Variants in FNIP2 observed in about 807,000 individuals in gnomAD.
The protein encoded by FNIP2 is folliculin-interacting protein 2.
A neutral mutation model predicts 108.7 loss-of-function variants in FNIP2; 32 were observed. The ratio of observed to expected loss-of-function variants is 0.29; its 90% CI spans 0.22 to 0.40. FNIP2 has a LOEUF of 0.40. FNIP2 is among the 10% of genes least tolerant of loss of function. The pLI is 1.00. For missense variants in FNIP2, 1,202 were observed against 1,381.6 expected, an observed-to-expected ratio of 0.87 and a Z score of 2.06; for synonymous variants, 480 against 496.7, an observed-to-expected ratio of 0.97 and a Z score of 0.45.
chr4:158,859,786 G>A lies in FNIP2; in HGVS notation c.1148+120G>A, dbSNP rs1780180385. On this transcript the variant is annotated intron_variant, in intron 10 of 16. Coordinates refer to ENST00000264433, the MANE Select transcript of FNIP2 (RefSeq NM_020840.3). Reference sequence around the variant, plus strand: ...AGTTATTCCTCACTTTTGTGGTTCCGCCCTTCAAGATGGAAACAGAACAAA... The same window carrying A: ...AGTTATTCCTCACTTTTGTGGTTCCACCCTTCAAGATGGAAACAGAACAAA... The A allele has an allele frequency of 8.4e-6, 7 of 832,166 alleles. No homozygotes were observed. In the South Asian group the frequency reaches 9.2e-5, roughly 11 times the overall value. The allele number at this position is 832,166 out of a possible 1,614,324, so 51.5% of individuals were successfully genotyped here. A position where few individuals can be genotyped will look rare whatever the true frequency, so the allele number is the denominator to read the frequency against.
At chr4:158,891,778 C>T (rs1290141464) in intron 15 of FNIP2, 132 bp downstream of exon 15, 2 of 853,280 alleles carry the variant, frequency 2.3e-6, no homozygotes, top group South Asian at 1.8e-5. Context: ...AAAACTAGAA[C>T]ATGCAGCATA....
chr4:158,853,622 C>T (rs1181729632), intron 8 of FNIP2, among the ~76,000 whole-genome samples: 2 of 152,028 alleles, frequency 1.3e-5, no homozygotes, highest in South Asian at 2.1e-4. Flanking sequence ...TGAGAACATG[C>T]GGTGTTTGGT....
At chr4:158,871,811 A>C (rs866854115) in intron 14 of FNIP2, 1 of 985,274 alleles carries the variant, frequency 1.0e-6, no homozygotes. Flanking sequence ...TTATCATTTC[A>C]TGAGTCCATG....
At chr4:158,804,463 G>A (rs1776870629) in intron 1 of FNIP2, among the ~76,000 whole-genome samples, 1 of 149,780 alleles carries the variant, frequency 6.7e-6, no homozygotes, top group Non-Finnish European at 1.5e-5. Flanking sequence ...GTCCAGGCTG[G>A]AATGCAGTGG....
intron 8 of FNIP2, among the ~76,000 whole-genome samples, chr4:158,853,108 A>C (rs1779789324): frequency 6.6e-6 from 1 of 150,828 alleles, no homozygotes; most frequent in African/African-American, 2.5e-5. Flanking sequence ...ATAAATTCCA[A>C]ACATAATATT....
chr4:158,872,702 C>T (rs1578953119), intron 14 of FNIP2: 1 of 979,026 alleles, frequency 1.0e-6, no homozygotes, highest in Non-Finnish European at 1.2e-6. Flanking sequence ...AAGTAGTGTT[C>T]TGTTTAAACT....
intron 16 of FNIP2, among the ~76,000 whole-genome samples, chr4:158,898,177 G>A (rs1782861214): frequency 6.6e-6 from 1 of 152,134 alleles, no homozygotes; most frequent in Non-Finnish European, 1.5e-5. Flanking sequence ...TGAGGCCTCA[G>A]TTCTGTTCCA....
intron 2 of FNIP2, among the ~76,000 whole-genome samples, chr4:158,828,194 T>C (rs1169657535): frequency 6.6e-6 from 1 of 152,226 alleles, no homozygotes; most frequent in African/African-American, 2.4e-5. Flanking sequence ...GAAGACCATA[T>C]TTCCATCACA....
chr4:158,826,489 T>A (rs1305864990), intron 2 of FNIP2, among the ~76,000 whole-genome samples: 1 of 152,240 alleles, frequency 6.6e-6, no homozygotes, highest in Non-Finnish European at 1.5e-5. Context: ...TTAAACAGCT[T>A]TGCTTATTTA....
chr4:158,769,276 G>T lies in FNIP2; in HGVS notation c.64G>T (p.Ala22Ser). The T allele has an allele frequency of 6.5e-7, 1 of 1,543,998 alleles. No individual in the cohort carries two copies. Residue 22 changes from alanine to serine, a missense_variant, in exon 1 of 17, where the codon GCG (alanine) becomes TCG (serine). By Grantham distance (99) the Ala-to-Ser change is moderately conservative. Transcript: ENST00000264433. Reference sequence around the variant, plus strand: ...GGGCAGCAGCGGCAGCTCCGCGGCGGCGTCTGCCCAGGGCAGGGCTCCTAA... The same window carrying T: ...GGGCAGCAGCGGCAGCTCCGCGGCGTCGTCTGCCCAGGGCAGGGCTCCTAA... ...KRGSSGSSAAASAQGRAPKEG... is the reference protein window; with the variant it reads ...KRGSSGSSAASSAQGRAPKEG...
chr4:158,871,535 C>G, intron 14 of FNIP2: 3 of 985,202 alleles, frequency 3.0e-6, no homozygotes, highest in Non-Finnish European at 3.6e-6. Flanking sequence ...GGGAAAAAAA[C>G]TCAGTAGTGA....
intron 8 of FNIP2, among the ~76,000 whole-genome samples, chr4:158,853,671 T>C (rs1779824979): frequency 6.6e-6 from 1 of 152,212 alleles, no homozygotes; most frequent in Admixed American, 6.5e-5. Flanking sequence ...ATGATGGTTA[T>C]GGATAAATTT....
At chr4:158,891,733 G>A in intron 15 of FNIP2, 87 bp downstream of exon 15, 1 of 1,267,026 alleles carries the variant, frequency 7.9e-7, no homozygotes, top group South Asian at 1.4e-5. Context: ...AAATTCAAAA[G>A]TACTGTTTTA....
chr4:158,769,310 C>T lies in FNIP2; in HGVS notation c.98C>T (p.Pro33Leu). The T allele has an allele frequency of 1.3e-5, 19 of 1,511,446 alleles. No homozygotes were observed. Among genetic ancestry groups the T allele is most frequent in the Non-Finnish European group, 1.7e-5 (19 of 1,130,358 alleles). 93.6% of individuals were successfully genotyped at this position (1,511,446 alleles called of 1,614,324 possible). A position where few individuals can be genotyped will look rare whatever the true frequency, so the allele number is the denominator to read the frequency against. Reference protein sequence around the residue: ...SAQGRAPKEGPAFSWSCSEFD... With the variant: ...SAQGRAPKEGLAFSWSCSEFD... Reference sequence around the variant, plus strand: ...CAGGGCAGGGCTCCTAAGGAAGGACCCGCCTTTAGGTGAGGGGGCGCCGGG... The same window carrying T: ...CAGGGCAGGGCTCCTAAGGAAGGACTCGCCTTTAGGTGAGGGGGCGCCGGG... The change falls in exon 1 of 17, where the codon CCC becomes CTC. Residue 33 changes from proline to leucine, a missense_variant. Physicochemically the swap from Pro to Leu is moderately conservative, Grantham distance 98. Coordinates refer to ENST00000264433, the MANE Select transcript of FNIP2 (RefSeq NM_020840.3).
intron 1 of FNIP2, among the ~76,000 whole-genome samples, chr4:158,785,683 T>G (rs1406744048): frequency 6.7e-6 from 1 of 149,886 alleles, no homozygotes; most frequent in African/African-American, 2.5e-5. Flanking sequence ...AGTTACAGGG[T>G]TCTTTCTTTT....
intron 1 of FNIP2, among the ~76,000 whole-genome samples, chr4:158,773,837 G>T (rs1329520244): frequency 6.6e-6 from 1 of 152,154 alleles, no homozygotes; most frequent in African/African-American, 2.4e-5. Context: ...AGGTGACGGG[G>T]TGTCAGAAAG....
chr4:158,887,757 A>AAAC (rs35980806), intron 14 of FNIP2, among the ~76,000 whole-genome samples: 1 of 150,768 alleles, frequency 6.6e-6, no homozygotes, highest in Non-Finnish European at 1.5e-5. Context: ...AAAAAAAAAA[A>AAAC]CCCAAGAGGA....
intron 10 of FNIP2, among the ~76,000 whole-genome samples, chr4:158,860,327 T>A (rs1356040760): frequency 6.6e-6 from 1 of 152,080 alleles, no homozygotes; most frequent in Non-Finnish European, 1.5e-5. Context: ...AAAAAAAAAA[T>A]TTATAATCCT....
At chr4:158,827,115 TG>T (rs1454946894) in intron 2 of FNIP2, among the ~76,000 whole-genome samples, 2 of 152,140 alleles carry the variant, frequency 1.3e-5, no homozygotes, top group Non-Finnish European at 2.9e-5. Flanking sequence ...CAGTAGTTGT[TG>T]GGCTTGTTAG....
Sources: gnomAD v4.1 joint callset for allele counts (sites outside exome capture counted in the v4.1 genomes callset) on GRCh38, gnomAD v4.1.1 for gene constraint, MANE v1.5 for transcripts, NCBI Gene and HGNC (gene_info 2026-07-23, HGNC 2026-07-21) for gene names.